Variants in ARPIN observed in about 807,000 individuals in gnomAD.
The protein encoded by ARPIN is UPF0552 protein C15orf38.
Under a neutral mutation model 25.9 loss-of-function variants are expected in ARPIN, and 23 were observed. That is an observed-to-expected ratio of 0.89 (90% CI 0.64 to 1.26). The LOEUF is 1.26. Among genes scored for constraint, ARPIN ranks in the 50% most tolerant of loss-of-function variants. The pLI is 0.00. For synonymous variants in ARPIN, 126 were observed against 131.4 expected (o/e 0.96, Z 0.28); for missense variants, 333 against 312.2 (o/e 1.07, Z -0.50).
Position 89,901,421 on chromosome 15 carries a change from G to A in ARPIN, c.*374C>T, listed in dbSNP as rs550202527. 20 of 264,552 alleles carry A rather than the reference G, an allele frequency of 7.6e-5. No individual in the cohort carries two copies. The highest frequency in any genetic ancestry group is 1.5e-4 in the Non-Finnish European group (20 of 137,656). 16.4% of individuals were successfully genotyped at this position (264,552 alleles called of 1,614,324 possible). On this transcript the variant is annotated 3_prime_UTR_variant, in exon 6 of 6. Coordinates refer to ENST00000357484, the MANE Select transcript of ARPIN (RefSeq NM_182616.4). ...AGGCTGGGTGCAGTGGCTCACGCCT[G>A]TAATCCCAACACCTTGGGAGGTGGA...
intron 1 of ARPIN, 67 bp downstream of exon 1, chr15:89,912,677 C>T: frequency 8.3e-7 from 1 of 1,208,058 alleles, no homozygotes; most frequent in Non-Finnish European, 1.0e-6. Flanking sequence ...ACCCCCCCAC[C>T]CGATCCTGTT....
intron 1 of ARPIN, among the ~76,000 whole-genome samples, chr15:89,911,154 T>G (rs1392384321): frequency 3.3e-5 from 5 of 152,254 alleles, no homozygotes; most frequent in African/African-American, 1.2e-4. Context: ...ATCATGTGTG[T>G]GAAGGTGTTT....
In ARPIN at chr15:89,912,740, C is replaced by T; in HGVS notation, c.92+4G>A. Reference sequence around the variant, plus strand: ...CCGACCCGAGGCCGTGAGCCCAGGCCTACCCCTGGTGGGCGGCGGGGTCCC... The same window carrying T: ...CCGACCCGAGGCCGTGAGCCCAGGCTTACCCCTGGTGGGCGGCGGGGTCCC... On this transcript the variant is annotated splice_donor_region_variant and intron_variant, in intron 1 of 5. Coordinates refer to ENST00000357484, the MANE Select transcript of ARPIN (RefSeq NM_182616.4). 3 of 1,463,646 alleles carry T rather than the reference C, an allele frequency of 2.0e-6. No homozygotes were observed. Among genetic ancestry groups the T allele is most frequent in the Non-Finnish European group, 1.8e-6 (2 of 1,112,388 alleles). 90.7% of individuals were successfully genotyped at this position (1,463,646 alleles called of 1,614,324 possible).
At chr15:89,901,976 T>C (rs1897029150) in intron 5 of ARPIN, among the ~76,000 whole-genome samples, 173 bp from the exon 6 acceptor site, 1 of 152,218 alleles carries the variant, frequency 6.6e-6, no homozygotes, top group Non-Finnish European at 1.5e-5. Flanking sequence ...TGGACTGTTT[T>C]TCAGTCCAAG....
chr15:89,905,648 C>A (rs968507818), intron 3 of ARPIN, among the ~76,000 whole-genome samples: 2 of 152,100 alleles, frequency 1.3e-5, no homozygotes, highest in African/African-American at 2.4e-5. Flanking sequence ...TAGCTCCTCA[C>A]GCCTGTTCCC....
At chr15:89,907,076 T>A (rs1047371107) in intron 3 of ARPIN, among the ~76,000 whole-genome samples, 2 of 151,830 alleles carry the variant, frequency 1.3e-5, no homozygotes, top group Non-Finnish European at 2.9e-5. Context: ...TTATTATTAC[T>A]ATTTTTTTTT....
At chr15:89,912,587 C>T in intron 1 of ARPIN, 157 bp downstream of exon 1, 1 of 1,346,488 alleles carries the variant, frequency 7.4e-7, no homozygotes. Context: ...GGCAGGGGCG[C>T]CGGGAGCGGC....
At chr15:89,911,715 C>A (rs1256838) in intron 1 of ARPIN, among the ~76,000 whole-genome samples, 98,322 of 152,124 alleles carry the variant, frequency 0.65, 35,448 homozygotes, top group Non-Finnish European at 0.81. Flanking sequence ...CCCACCAGAC[C>A]CCATGCTGTA....
intron 2 of ARPIN, 133 bp downstream of exon 2, chr15:89,910,611 T>C: frequency 1.9e-6 from 2 of 1,072,414 alleles, no homozygotes; most frequent in South Asian, 3.0e-5. Flanking sequence ...CCTGACCTAC[T>C]TCCCACTTGC....
intron 5 of ARPIN, among the ~76,000 whole-genome samples, chr15:89,902,532 C>T (rs1308000500): frequency 6.6e-6 from 1 of 151,952 alleles, no homozygotes; most frequent in African/African-American, 2.4e-5. Flanking sequence ...GGCAAAACCT[C>T]GTCTCTACAA....
rs1897160109 is a variant in ARPIN, at chr15:89,908,266, C to T, written c.301+14G>A. The T allele has an allele frequency of 1.2e-6, 2 of 1,613,858 alleles. No individual in the cohort carries two copies. The highest frequency in any genetic ancestry group is 1.1e-5 in the South Asian group (1 of 91,070). On this transcript the variant is annotated intron_variant, in intron 3 of 5. Coordinates refer to ENST00000357484, the MANE Select transcript of ARPIN (RefSeq NM_182616.4). ...AGGGCCCTGAGGGAGAGAGGGAGGGCAGAGGATACCTACTGTAGGACGACA... is the reference window on the plus strand; with the variant it reads ...AGGGCCCTGAGGGAGAGAGGGAGGGTAGAGGATACCTACTGTAGGACGACA...
rs766416791 is a variant in ARPIN at position 89,901,406 on chromosome 15, C to G, written c.*389G>C. 4.4e-5 allele frequency: 11 copies of G among 248,484 alleles called. No homozygotes were observed. The highest frequency in any genetic ancestry group is 2.5e-4 in the African/African-American group (11 of 43,856). 15.4% of individuals were successfully genotyped at this position (248,484 alleles called of 1,614,324 possible). ...GCCAGGGTCAACATGAGGCTGGGTG[C>G]AGTGGCTCACGCCTGTAATCCCAAC... On this transcript the variant is annotated 3_prime_UTR_variant, in exon 6 of 6. Coordinates refer to ENST00000357484, the MANE Select transcript of ARPIN (RefSeq NM_182616.4).
chr15:89,912,542 C>T (rs1237049575), intron 1 of ARPIN: 2 of 1,322,960 alleles, frequency 1.5e-6, no homozygotes, highest in Non-Finnish European at 1.9e-6. Flanking sequence ...AGCTTTAAGC[C>T]GATCTGTGTC....
chr15:89,907,992 G>A (rs550377161), intron 3 of ARPIN, among the ~76,000 whole-genome samples: 1 of 152,342 alleles, frequency 6.6e-6, no homozygotes, highest in East Asian at 1.9e-4. Context: ...TCTGCACAAA[G>A]GCAGTTAGAG....
At chr15:89,905,910 C>T (rs1567195895) in intron 3 of ARPIN, among the ~76,000 whole-genome samples, 3 of 152,126 alleles carry the variant, frequency 2.0e-5, no homozygotes, top group South Asian at 2.1e-4. Context: ...TAGACCTCTA[C>T]CCAGCAGTGC....
rs755021460 is a variant in ARPIN at position 89,912,805 on chromosome 15, G to C, written c.31C>G (p.Arg11Gly). 6.6e-7 allele frequency: 1 copy of C among 1,526,144 alleles called. No individual in the cohort carries two copies. The highest frequency in any genetic ancestry group is 8.8e-7 in the Non-Finnish European group (1 of 1,141,064). 94.5% of individuals were successfully genotyped at this position (1,526,144 alleles called of 1,614,324 possible). A position where few individuals can be genotyped will look rare whatever the true frequency, so the allele number is the denominator to read the frequency against. ...CGGACGCTCTGCACCGCCTTGTTCC[G>C]GAGCGCGCCGTCGTGGTAGATGCGG... MSRIYHDGAL[R>G]NKAVQSVRLP... Residue 11 changes from arginine to glycine, a missense_variant, in exon 1 of 6, where the codon CGG (arginine) becomes GGG (glycine). Coordinates refer to ENST00000357484, the MANE Select transcript of ARPIN (RefSeq NM_182616.4).
At chr15:89,910,888 T>C in intron 1 of ARPIN, 69 bp from the exon 2 acceptor site, 10 of 1,271,040 alleles carry the variant, frequency 7.9e-6, no homozygotes, top group Non-Finnish European at 1.1e-5. Context: ...CCGTGTCTCC[T>C]ATTTACCCAG....
chr15:89,908,277 T>C lies in ARPIN; in HGVS notation c.301+3A>G, dbSNP rs761834326. The C allele has an allele frequency of 1.9e-6, 3 of 1,614,088 alleles. No individual in the cohort carries two copies. Among genetic ancestry groups the C allele is most frequent in the East Asian group, 2.2e-5 (1 of 44,882 alleles). On this transcript the variant is annotated splice_donor_region_variant and intron_variant, in intron 3 of 5. Transcript: ENST00000357484. The stretch of plus-strand genomic sequence containing the variant: ...GGAGAGAGGGAGGGCAGAGGATACC[T>C]ACTGTAGGACGACATGAGGAAGCCC...
Position 89,901,728 on chromosome 15 carries a change from A to G in ARPIN, c.*67T>C. ...CTGTTCTCTCCAGCTCCAGAGTAGA[A>G]GTTCATGGAAGAAATGTTCCACAAT... On this transcript the variant is annotated 3_prime_UTR_variant, in exon 6 of 6. Transcript: ENST00000357484. The G allele has an allele frequency of 6.4e-7, 1 of 1,571,086 alleles. No homozygotes were observed. Among genetic ancestry groups the G allele is most frequent in the Non-Finnish European group, 8.8e-7 (1 of 1,141,522 alleles).
Sources: gnomAD v4.1 joint callset for allele counts (sites outside exome capture counted in the v4.1 genomes callset) on GRCh38, gnomAD v4.1.1 for gene constraint, MANE v1.5 for transcripts, NCBI Gene and HGNC (gene_info 2026-07-23, HGNC 2026-07-21) for gene names.